AOPEP: variants seen among roughly 807,000 people sequenced by gnomAD.
AOPEP encodes the protein aminopeptidase O.
AOPEP carries 77 observed loss-of-function variants against 98.1 expected under a neutral mutation model. The observed-to-expected ratio is 0.78, with a 90% CI of 0.65 to 0.95. The LOEUF is 0.95. Ranked by LOEUF, AOPEP falls within the 40% of genes least tolerant of loss-of-function variation. AOPEP has a pLI of 0.00. For missense variants in AOPEP, 1,024 were observed against 1,024.7 expected (o/e 1.00, Z 0.01); for synonymous variants, 346 against 365.3 (o/e 0.95, Z 0.60).
intron 5 of AOPEP, among the ~76,000 whole-genome samples, chr9:94,865,355 T>G (rs1477276410): frequency 6.6e-6 from 1 of 152,232 alleles, no homozygotes; most frequent in Non-Finnish European, 1.5e-5. Flanking sequence ...TTTACTTCCT[T>G]TCCAAAATTT....
chr9:94,812,192 A>C (rs1476443261), intron 5 of AOPEP, among the ~76,000 whole-genome samples: 1 of 152,146 alleles, frequency 6.6e-6, no homozygotes, highest in African/African-American at 2.4e-5. Context: ...ATACTTCCTT[A>C]AACTTGGGAA....
downstream of AOPEP, among the ~76,000 whole-genome samples, chr9:95,091,655 T>G (rs1430742899): frequency 2.0e-5 from 3 of 151,998 alleles, no homozygotes; most frequent in African/African-American, 7.3e-5. Flanking sequence ...AAGGTGGAAG[T>G]GAGGAGAGGC....
At chr9:95,099,210 T>C in the AOPEP span, 1 of 217,670 alleles carries the variant, frequency 4.6e-6, no homozygotes, top group East Asian at 6.8e-5. Flanking sequence ...TGGCTCTCTC[T>C]GAGGGTAGTG....
downstream of AOPEP, among the ~76,000 whole-genome samples, chr9:95,089,786 G>T (rs552954988): frequency 4.6e-4 from 70 of 152,330 alleles, no homozygotes; most frequent in South Asian, 0.014. Context: ...CCCCGCGGCC[G>T]ACCCATGGGT....
Position 95,078,467 on chromosome 9 carries a change from G to T in AOPEP, c.2233-2227G>T, listed in dbSNP as rs1292702384. On this transcript the variant is annotated intron_variant, in intron 14 of 16. Coordinates refer to ENST00000375315, the MANE Select transcript of AOPEP (RefSeq NM_001193329.3). ...CCAAAAGTGTGGTGTGGTCAGATCA[G>T]ACAAGCGTTGGTTGTTAGAACACTT... Among the ~76,000 whole-genome samples, 3 of 152,368 alleles carry T rather than the reference G, an allele frequency of 2.0e-5. No homozygotes were observed. The East Asian group carries it at 5.8e-4, about 29-fold the overall frequency.
chr9:95,046,002 C>T (rs1192277740), intron 13 of AOPEP, among the ~76,000 whole-genome samples: 1 of 152,188 alleles, frequency 6.6e-6, no homozygotes, highest in Non-Finnish European at 1.5e-5. Flanking sequence ...CACTGCTGGC[C>T]AGCAGAGGAC....
chr9:95,111,936 A>G, the AOPEP span, among the ~76,000 whole-genome samples: 1 of 152,220 alleles, frequency 6.6e-6, no homozygotes, highest in Admixed American at 6.5e-5. Context: ...GACTGCGGCC[A>G]TGACCAACAG....
chr9:94,928,760 A>G, intron 7 of AOPEP: 1 of 470,960 alleles, frequency 2.1e-6, no homozygotes, highest in South Asian at 2.6e-5. Context: ...GCATGAGGCC[A>G]TTTCCGGGGG....
chr9:95,073,101 G>C (rs559843605), intron 14 of AOPEP, among the ~76,000 whole-genome samples: 1 of 152,332 alleles, frequency 6.6e-6, no homozygotes, highest in South Asian at 2.1e-4. Flanking sequence ...AAAAGCTGTA[G>C]CTCTTCCCAG....
the AOPEP span, among the ~76,000 whole-genome samples, chr9:95,107,872 C>G: frequency 6.6e-6 from 1 of 152,224 alleles, no homozygotes; most frequent in South Asian, 2.1e-4. Flanking sequence ...GGCCACAAGT[C>G]TGTGGAACCC....
intron 5 of AOPEP, among the ~76,000 whole-genome samples, chr9:94,895,505 C>T (rs531989446): frequency 3.2e-4 from 49 of 151,632 alleles, no homozygotes; most frequent in African/African-American, 1.2e-3. Context: ...AGACAAGGTA[C>T]CTACCATCAC....
At chr9:95,024,594 G>A (rs377418788) in intron 13 of AOPEP, among the ~76,000 whole-genome samples, 2 of 152,252 alleles carry the variant, frequency 1.3e-5, no homozygotes, top group African/African-American at 4.8e-5. Context: ...CTCTGAGCCT[G>A]AGCGTGTGGC....
At chr9:95,099,474 T>C in the AOPEP span, 1 of 225,096 alleles carries the variant, frequency 4.4e-6, no homozygotes, top group East Asian at 6.2e-5. Flanking sequence ...TCCTTCCCGG[T>C]GGCACCTGCC....
chr9:94,935,799 G>A (rs904780402), intron 7 of AOPEP, among the ~76,000 whole-genome samples: 18 of 152,174 alleles, frequency 1.2e-4, no homozygotes, highest in Admixed American at 2.0e-4. Flanking sequence ...AAGATCAAGC[G>A]TGAATGCTTA....
At chr9:94,952,622 GT>G (rs2058181172) in intron 7 of AOPEP, among the ~76,000 whole-genome samples, 1 of 152,184 alleles carries the variant, frequency 6.6e-6, no homozygotes, top group South Asian at 2.1e-4. Flanking sequence ...CCGGTACTTT[GT>G]CTCTCTACGC....
intron 13 of AOPEP, among the ~76,000 whole-genome samples, chr9:95,030,666 C>CGAAG (rs1166121491): frequency 6.8e-6 from 1 of 147,846 alleles, no homozygotes; most frequent in African/African-American, 2.7e-5. Context: ...CATCCTTCTT[C>CGAAG]CTCTCTGTGT....
chr9:94,971,334 G>A (rs2059523527), intron 10 of AOPEP, among the ~76,000 whole-genome samples: 1 of 152,100 alleles, frequency 6.6e-6, no homozygotes, highest in African/African-American at 2.4e-5. Context: ...CTCCTTAAAA[G>A]CTAAGGAGAT....
chr9:95,094,534 T>TA, the AOPEP span, among the ~76,000 whole-genome samples: 1 of 152,330 alleles, frequency 6.6e-6, no homozygotes, highest in Middle Eastern at 3.4e-3. Flanking sequence ...TTCCTGTCTT[T>TA]GAGGCTTGCC....
chr9:95,061,253 T>G (rs554717747), intron 14 of AOPEP, among the ~76,000 whole-genome samples: 10 of 152,312 alleles, frequency 6.6e-5, no homozygotes, highest in African/African-American at 2.4e-4. Context: ...AAAAGGCAAT[T>G]GGATGCTTGC....
Sources: allele counts gnomAD v4.1 joint callset (sites outside exome capture counted in the v4.1 genomes callset), GRCh38; gene constraint gnomAD v4.1.1; transcripts MANE v1.5; gene names NCBI Gene and HGNC (gene_info 2026-07-23, HGNC 2026-07-21).